Variants in GPC5 observed in about 807,000 individuals in gnomAD.
The protein encoded by GPC5 is glypican 5.
A neutral mutation model predicts 53.9 loss-of-function variants in GPC5; 47 were observed. That is an observed-to-expected ratio of 0.87 (90% CI 0.69 to 1.11). The LOEUF (loss-of-function observed/expected upper bound fraction) is 1.11. Ranked by LOEUF, GPC5 falls within the 50% of genes most tolerant of loss-of-function variation. GPC5 has a pLI of 0.00. For missense variants in GPC5, 748 were observed against 713.1 expected, an observed-to-expected ratio of 1.05 and a Z score of -0.56; for synonymous variants, 286 against 263.3, an observed-to-expected ratio of 1.09 and a Z score of -0.84.
intron 7 of GPC5, among the ~76,000 whole-genome samples, chr13:92,478,612 T>G (rs1879236087): frequency 6.6e-6 from 1 of 152,162 alleles, no homozygotes; most frequent in Admixed American, 6.6e-5. Flanking sequence ...TATGTAAATC[T>G]ATATCAGTTC....
At chr13:92,032,486 T>G (rs1222806828) in intron 6 of GPC5, among the ~76,000 whole-genome samples, 5 of 151,912 alleles carry the variant, frequency 3.3e-5, no homozygotes, top group Non-Finnish European at 7.4e-5. Flanking sequence ...AAACTCAACT[T>G]TTTACCTCCT....
rs1218262542 is a variant in GPC5, at chr13:92,381,897, A to AT, written c.1561+236908_1561+236909insT. 7.4e-4 allele frequency among the ~76,000 whole-genome samples: 75 copies of AT among 101,286 alleles called. 2 individuals are homozygous for AT. The highest frequency in any genetic ancestry group is 5.2e-3 in the Middle Eastern group (1 of 194). The allele number at this position is 101,286 out of a possible 152,430, so 66.4% of individuals were successfully genotyped here. A position where few individuals can be genotyped will look rare whatever the true frequency, so the allele number is the denominator to read the frequency against. On this transcript the variant is annotated intron_variant, in intron 7 of 7. Transcript: ENST00000377067. The stretch of plus-strand genomic sequence containing the variant: ...ATATATGATTATATATATTATATAT[A>AT]ATCATATATATGATATATATAATCA...
intron 7 of GPC5, among the ~76,000 whole-genome samples, chr13:92,475,182 C>T (rs1475226170): frequency 6.6e-6 from 1 of 151,596 alleles, no homozygotes; most frequent in East Asian, 1.9e-4. Flanking sequence ...CTTGGCGATG[C>T]GGGCTCTTTT....
intron 5 of GPC5, among the ~76,000 whole-genome samples, chr13:91,874,123 A>G (rs1273925493): frequency 6.6e-6 from 1 of 152,210 alleles, no homozygotes; most frequent in Non-Finnish European, 1.5e-5. Context: ...TAAGCACAGA[A>G]TAGGTAAAGT....
chr13:92,452,766 A>T (rs1276195210), intron 7 of GPC5, among the ~76,000 whole-genome samples: 1 of 152,078 alleles, frequency 6.6e-6, no homozygotes, highest in African/African-American at 2.4e-5. Context: ...ACGGGGTTTC[A>T]CCGTGTTGCC....
At chr13:92,203,900 A>C (rs751590640) in intron 7 of GPC5, among the ~76,000 whole-genome samples, 1 of 151,984 alleles carries the variant, frequency 6.6e-6, no homozygotes, top group African/African-American at 2.4e-5. Context: ...CCAGAAATAA[A>C]AAGCCTCTTC....
chr13:91,419,687 A>G (rs1170343616), intron 1 of GPC5, among the ~76,000 whole-genome samples: 1 of 152,208 alleles, frequency 6.6e-6, no homozygotes, highest in Non-Finnish European at 1.5e-5. Flanking sequence ...AACTATTTCT[A>G]TGCAGTGAGA....
chr13:91,981,483 G>A (rs932453044), intron 6 of GPC5, among the ~76,000 whole-genome samples: 5 of 152,122 alleles, frequency 3.3e-5, no homozygotes, highest in African/African-American at 1.2e-4. Flanking sequence ...TACAGACTGG[G>A]TTTCACCGTG....
chr13:92,542,887 T>A (rs1350802660), intron 7 of GPC5, among the ~76,000 whole-genome samples: 1 of 152,098 alleles, frequency 6.6e-6, no homozygotes, highest in Non-Finnish European at 1.5e-5. Flanking sequence ...TGTGACTTGA[T>A]GTTTTTCTCT....
chr13:91,935,558 G>A (rs1408042189), intron 6 of GPC5, among the ~76,000 whole-genome samples: 2 of 151,868 alleles, frequency 1.3e-5, no homozygotes, highest in African/African-American at 4.8e-5. Context: ...GATATTTTTT[G>A]TGGTTTATCA....
intron 7 of GPC5, among the ~76,000 whole-genome samples, chr13:92,385,443 TAC>T (rs1400242092): frequency 1.8e-5 from 2 of 111,812 alleles, no homozygotes; most frequent in East Asian, 5.3e-4. Context: ...TATACATATA[TAC>T]ATATATACAT....
At chr13:92,684,673 T>C (rs1172100433) in intron 7 of GPC5, among the ~76,000 whole-genome samples, 2 of 152,210 alleles carry the variant, frequency 1.3e-5, no homozygotes, top group African/African-American at 2.4e-5. Flanking sequence ...GTTTCTCTTT[T>C]GGTAATTATG....
chr13:92,400,001 T>G (rs1014677426), intron 7 of GPC5, among the ~76,000 whole-genome samples: 3 of 152,162 alleles, frequency 2.0e-5, no homozygotes, highest in African/African-American at 7.2e-5. Context: ...TGGTGGAATT[T>G]ATGAAAAAGA....
At chr13:91,613,298 C>T (rs2033609610) in intron 2 of GPC5, among the ~76,000 whole-genome samples, 1 of 152,166 alleles carries the variant, frequency 6.6e-6, no homozygotes, top group African/African-American at 2.4e-5. Flanking sequence ...GCATGTCTCA[C>T]ATGGCAGCAG....
intron 7 of GPC5, among the ~76,000 whole-genome samples, chr13:92,845,933 T>C (rs995557231): frequency 6.6e-6 from 1 of 152,162 alleles, no homozygotes; most frequent in East Asian, 1.9e-4. Context: ...AAACTGGGGA[T>C]ATATATATTT....
chr13:92,486,851 G>A (rs963882388), intron 7 of GPC5, among the ~76,000 whole-genome samples: 8 of 125,450 alleles, frequency 6.4e-5, no homozygotes, highest in Middle Eastern at 4.0e-3. Context: ...AGATAACACA[G>A]GGGACAGGGA....
intron 7 of GPC5, among the ~76,000 whole-genome samples, chr13:92,835,181 C>T (rs1437989344): frequency 6.6e-6 from 1 of 151,950 alleles, no homozygotes; most frequent in Non-Finnish European, 1.5e-5. Flanking sequence ...AGCCTAGGTT[C>T]TTATTTTAAT....
intron 7 of GPC5, among the ~76,000 whole-genome samples, chr13:92,822,337 A>T (rs1188774887): frequency 6.6e-6 from 1 of 152,126 alleles, no homozygotes; most frequent in Non-Finnish European, 1.5e-5. Context: ...CTATTTCTAA[A>T]CATTCTCTCA....
rs1420760766 is a variant in GPC5 at position 91,559,949 on chromosome 13, G to C, written c.325+111027G>C. On this transcript the variant is annotated intron_variant, in intron 2 of 7. Coordinates refer to ENST00000377067, the MANE Select transcript of GPC5 (RefSeq NM_004466.6). The stretch of plus-strand genomic sequence containing the variant: ...TATTACATATATTCTGAAATCTGGG[G>C]AACATTGTAAGAATAGATCTGAAGG... Among the ~76,000 whole-genome samples, 3 of 152,088 alleles carry C rather than the reference G, an allele frequency of 2.0e-5. No individual in the cohort carries two copies. The East Asian group carries it at 5.8e-4, about 29-fold the overall frequency.
Sources: gnomAD v4.1 joint callset for allele counts (sites outside exome capture counted in the v4.1 genomes callset) on GRCh38, gnomAD v4.1.1 for gene constraint, MANE v1.5 for transcripts, NCBI Gene and HGNC (gene_info 2026-07-23, HGNC 2026-07-21) for gene names.